GRK4: variants seen among roughly 807,000 people sequenced by gnomAD.
GRK4 encodes G protein-coupled receptor kinase 4, also known as G protein-coupled receptor kinase 2-like.
Under a neutral mutation model 77.9 loss-of-function variants are expected in GRK4, and 73 were observed. The observed-to-expected ratio is 0.94, with a 90% CI of 0.78 to 1.14. The LOEUF (loss-of-function observed/expected upper bound fraction) is 1.14, where lower values mean the gene tolerates loss of function less well. Ranked by LOEUF, GRK4 falls within the 50% of genes most tolerant of loss-of-function variation. The pLI is 0.00. For synonymous variants in GRK4, 257 were observed against 254.4 expected, an observed-to-expected ratio of 1.01 and a Z score of -0.10; for missense variants, 729 against 700.2, an observed-to-expected ratio of 1.04 and a Z score of -0.46.
intron 10 of GRK4, among the ~76,000 whole-genome samples, chr4:3,025,016 A>T (rs930042852): frequency 1.3e-4 from 19 of 151,956 alleles, no homozygotes; most frequent in Non-Finnish European, 2.5e-4. Flanking sequence ...CTTGCCTGTA[A>T]TCCCAATATT....
chr4:3,035,368 C>T lies in GRK4; in HGVS notation c.1270-18C>T, dbSNP rs1740313236. 6 of 1,613,536 alleles carry T rather than the reference C, an allele frequency of 3.7e-6. No individual in the cohort carries two copies. Among genetic ancestry groups the T allele is most frequent in the Non-Finnish European group, 5.1e-6 (6 of 1,179,718 alleles). On this transcript the variant is annotated intron_variant, in intron 12 of 15. Transcript: ENST00000398052. ...TTTATCCAGAGGCTCAAGTGGGTTG[C>T]ATTTCTGCCTCTTGCAGTTACTCAC...
At position 2,981,895 on chromosome 4, in the gene GRK4, A is replaced by G. The variant is rs58877454; in HGVS notation, c.53-2618A>G. On this transcript the variant is annotated intron_variant, in intron 1 of 15. Transcript: ENST00000398052. ...TCAGCCACGCCTTGGCCTCCCTGCCATGCTCATTGGTGTCCAAAGTCTGGA... is the reference window on the plus strand; with the variant it reads ...TCAGCCACGCCTTGGCCTCCCTGCCGTGCTCATTGGTGTCCAAAGTCTGGA... Among the ~76,000 whole-genome samples, 1,374 of 152,342 alleles carry G rather than the reference A, an allele frequency of 9.0e-3. 24 individuals carry two copies. Among genetic ancestry groups the G allele is most frequent in the African/African-American group, 0.031 (1,280 of 41,590 alleles).
At chr4:3,015,266 T>G (rs141806524) in intron 8 of GRK4, among the ~76,000 whole-genome samples, 44 of 152,318 alleles carry the variant, frequency 2.9e-4, no homozygotes, top group Middle Eastern at 3.4e-3. Context: ...CGAGAATTTA[T>G]AAAATGATTT....
chr4:2,977,837 C>G (rs1721664841), intron 1 of GRK4, among the ~76,000 whole-genome samples: 1 of 152,238 alleles, frequency 6.6e-6, no homozygotes, highest in Admixed American at 6.5e-5. Context: ...GATGGCCCCC[C>G]TCCCCACAGG....
At chr4:3,000,034 C>A (rs1487171432) in intron 4 of GRK4, among the ~76,000 whole-genome samples, 1 of 152,150 alleles carries the variant, frequency 6.6e-6, no homozygotes, top group African/African-American at 2.4e-5. Context: ...TCCCTCTCCA[C>A]CAGTGGTCTT....
At chr4:2,965,357 A>G (rs1478124770) in intron 1 of GRK4, 1 of 703,012 alleles carries the variant, frequency 1.4e-6, no homozygotes, top group Admixed American at 2.0e-5. Flanking sequence ...CCTGCGTCTC[A>G]AGAGAGCTGG....
At chr4:3,013,105 G>A (rs1358455702) in intron 7 of GRK4, among the ~76,000 whole-genome samples, 4 of 151,886 alleles carry the variant, frequency 2.6e-5, no homozygotes, top group South Asian at 2.1e-4. Flanking sequence ...GTGCAGTGGC[G>A]CGATCTCGGC....
chr4:3,005,350 A>C (rs1268264417), intron 5 of GRK4, among the ~76,000 whole-genome samples: 1 of 152,062 alleles, frequency 6.6e-6, no homozygotes, highest in East Asian at 1.9e-4. Flanking sequence ...TCTGGGTGCA[A>C]CTTAGAGGTT....
At chr4:3,037,253 T>C (rs2110093906) in intron 13 of GRK4, 121 bp from the exon 14 acceptor site, 3 of 961,202 alleles carry the variant, frequency 3.1e-6, no homozygotes, top group Non-Finnish European at 4.6e-6. Flanking sequence ...GGCAAAAGAA[T>C]GGAGACAGGG....
Position 3,038,503 on chromosome 4 carries a change from TCAGAAGAGGGGTAAAAAGACTTAAAAA to T in GRK4, c.1675_1683+18del. On this transcript the variant is annotated splice_donor_variant and splice_donor_5th_base_variant and coding_sequence_variant and intron_variant, in exon 15 of 16. Transcript: ENST00000398052. LOFTEE classifies it high-confidence loss of function. ...AACAGAGGCTTCTTCTATAGACTCT[TCAGAAGAGGGGTAAAAAGACTTAAAAA>T]CTAATATATGTGTGTGTATGTGAAA... The T allele has an allele frequency of 6.2e-7, 1 of 1,611,924 alleles. No individual in the cohort carries two copies. The highest frequency in any genetic ancestry group is 8.5e-7 in the Non-Finnish European group (1 of 1,179,570).
chr4:3,014,274 G>C (rs1321807321), intron 8 of GRK4, among the ~76,000 whole-genome samples: 2 of 149,258 alleles, frequency 1.3e-5, no homozygotes, highest in Non-Finnish European at 3.0e-5. Flanking sequence ...TGTGCTTGAG[G>C]ATACCTTCTC....
chr4:2,977,727 A>G (rs541488522), intron 1 of GRK4, among the ~76,000 whole-genome samples: 19 of 152,268 alleles, frequency 1.2e-4, no homozygotes, highest in African/African-American at 3.4e-4. Context: ...GAAACAAAGA[A>G]GCGAGAGAGC....
At chr4:3,023,240 A>G (rs1303892499) in intron 10 of GRK4, among the ~76,000 whole-genome samples, 1 of 152,014 alleles carries the variant, frequency 6.6e-6, no homozygotes, top group Admixed American at 6.6e-5. Flanking sequence ...ATGGGTGCAC[A>G]CTCCACCTTG....
At chr4:2,991,799 A>G (rs1271955937) in intron 3 of GRK4, among the ~76,000 whole-genome samples, 2 of 152,216 alleles carry the variant, frequency 1.3e-5, no homozygotes, top group Non-Finnish European at 2.9e-5. Context: ...GGCATGAGCC[A>G]CTGCTCCCGG....
In GRK4 at chr4:2,982,298, G is replaced by A. The variant is rs185962073; in HGVS notation, c.53-2215G>A. Among the ~76,000 whole-genome samples the A allele has an allele frequency of 2.0e-3, 304 of 152,376 alleles. 2 individuals carry two copies. Among genetic ancestry groups the A allele is most frequent in the African/African-American group, 7.1e-3 (295 of 41,592 alleles). On this transcript the variant is annotated intron_variant, in intron 1 of 15. Transcript: ENST00000398052. ...CCAGGCCCTGCCTGCCTCGCTGCTTGGATCCTGGGAAGGTGGAAGCACTGG... is the reference window on the plus strand; with the variant it reads ...CCAGGCCCTGCCTGCCTCGCTGCTTAGATCCTGGGAAGGTGGAAGCACTGG...
intron 1 of GRK4, among the ~76,000 whole-genome samples, chr4:2,973,642 G>A (rs569686289): frequency 1.8e-4 from 28 of 152,192 alleles, no homozygotes; most frequent in Non-Finnish European, 2.9e-4. Flanking sequence ...AACTCAAAAC[G>A]CAGCAGATTC....
chr4:2,985,984 C>CAAA lies in GRK4; in HGVS notation c.148+1394_148+1396dup, dbSNP rs1181104072. Among the ~76,000 whole-genome samples the CAAA allele has an allele frequency of 1.3e-3, 122 of 91,528 alleles. 6 individuals are homozygous for CAAA. In the Middle Eastern group the frequency reaches 0.017, roughly 13 times the overall value. 60.0% of individuals were successfully genotyped at this position (91,528 alleles called of 152,430 possible). On this transcript the variant is annotated intron_variant, in intron 2 of 15. Coordinates refer to ENST00000398052, the MANE Select transcript of GRK4 (RefSeq NM_182982.3). Reference sequence around the variant, plus strand: ...TGGGTGACAGAACAAGACTCCGTCTCAAAAAAAAAAAAAAAAAAAAGAAGT... The same window carrying CAAA: ...TGGGTGACAGAACAAGACTCCGTCTCAAAAAAAAAAAAAAAAAAAAAAAGAAGT...
In GRK4 at chr4:2,985,761, G is replaced by A. The variant is rs186458155; in HGVS notation, c.148+1153G>A. 815 of 310,782 alleles carry A rather than the reference G, an allele frequency of 2.6e-3. 2 individuals carry two copies. Among genetic ancestry groups the A allele is most frequent in the Non-Finnish European group, 4.0e-3 (636 of 159,098 alleles). The allele number at this position is 310,782 out of a possible 1,614,324, so 19.3% of individuals were successfully genotyped here. A position where few individuals can be genotyped will look rare whatever the true frequency, so the allele number is the denominator to read the frequency against. On this transcript the variant is annotated intron_variant, in intron 2 of 15. Transcript: ENST00000398052. ...CGCCCGTAATCCCAGCACTTTGGGA[G>A]ACTGAGGTGGGCGGATCACGAGATC...
At chr4:2,998,055 G>A (rs528587285) in intron 4 of GRK4, among the ~76,000 whole-genome samples, 1 of 152,196 alleles carries the variant, frequency 6.6e-6, no homozygotes, top group South Asian at 2.1e-4. Flanking sequence ...AATTAGGCAA[G>A]AAAAAGAAAT....
Sources: allele counts gnomAD v4.1 joint callset (sites outside exome capture counted in the v4.1 genomes callset), GRCh38; gene constraint gnomAD v4.1.1; transcripts MANE v1.5; gene names NCBI Gene and HGNC (gene_info 2026-07-23, HGNC 2026-07-21).